Variants in UBE2E2 observed in about 807,000 individuals in gnomAD.
UBE2E2 encodes the protein ubiquitin-conjugating enzyme E2 E2.
UBE2E2 carries 6 observed loss-of-function variants against 24.7 expected under a neutral mutation model. The ratio of observed to expected loss-of-function variants is 0.24; its 90% CI spans 0.13 to 0.48. The LOEUF is 0.48. Ranked by LOEUF, UBE2E2 falls within the 20% of genes least tolerant of loss-of-function variation. The pLI is 0.99. For missense variants in UBE2E2, 169 were observed against 245.0 expected, an observed-to-expected ratio of 0.69 and a Z score of 2.07; for synonymous variants, 104 against 83.6, an observed-to-expected ratio of 1.24 and a Z score of -1.33.
chr3:23,325,382 T>A (rs1694857372), intron 3 of UBE2E2, among the ~76,000 whole-genome samples: 1 of 152,220 alleles, frequency 6.6e-6, no homozygotes, highest in Non-Finnish European at 1.5e-5. Flanking sequence ...AGAAATATAT[T>A]CCCACATTAT....
At chr3:23,587,319 C>T (rs1696647413) in intron 5 of UBE2E2, among the ~76,000 whole-genome samples, 1 of 152,136 alleles carries the variant, frequency 6.6e-6, no homozygotes, top group Non-Finnish European at 1.5e-5. Context: ...CTTTATTCTT[C>T]ATTTGTTTCC....
chr3:23,383,830 AT>A (rs576950550), intron 3 of UBE2E2, among the ~76,000 whole-genome samples: 33 of 149,798 alleles, frequency 2.2e-4, no homozygotes, highest in East Asian at 1.8e-3. Flanking sequence ...TACCAATATG[AT>A]TTTTTTTTAG....
intron 5 of UBE2E2, among the ~76,000 whole-genome samples, chr3:23,556,969 C>G (rs1484649451): frequency 6.6e-6 from 1 of 152,134 alleles, no homozygotes; most frequent in East Asian, 1.9e-4. Flanking sequence ...GCTAATTGAT[C>G]TAAACAATTG....
At chr3:23,565,765 C>G (rs747947031) in intron 5 of UBE2E2, among the ~76,000 whole-genome samples, 8 of 152,176 alleles carry the variant, frequency 5.3e-5, no homozygotes, top group Non-Finnish European at 8.8e-5. Flanking sequence ...CAAGATGCTT[C>G]TGCCTAATAG....
At chr3:23,363,021 A>G (rs921443800) in intron 3 of UBE2E2, among the ~76,000 whole-genome samples, 1 of 152,216 alleles carries the variant, frequency 6.6e-6, no homozygotes, top group Non-Finnish European at 1.5e-5. Context: ...AGAAATTCCA[A>G]CCAAGAATTT....
chr3:23,305,102 C>G (rs1418091535), intron 3 of UBE2E2, among the ~76,000 whole-genome samples: 4 of 152,110 alleles, frequency 2.6e-5, no homozygotes, highest in African/African-American at 9.7e-5. Context: ...TTCCAAAATT[C>G]TGGTTTTTGT....
Position 23,415,573 on chromosome 3 carries a change from G to C in UBE2E2, c.228-84035G>C, listed in dbSNP as rs796723064. 1.1e-4 allele frequency among the ~76,000 whole-genome samples: 16 copies of C among 152,218 alleles called. 1 individual carries two copies. Among genetic ancestry groups the C allele is most frequent in the African/African-American group, 3.6e-4 (15 of 41,528 alleles). On this transcript the variant is annotated intron_variant, in intron 3 of 5. Coordinates refer to ENST00000396703, the MANE Select transcript of UBE2E2 (RefSeq NM_152653.4). ...CTGTAAAATGCATTTCTTACTGTGGGTCGTGGAGAAAAATGTTTGAAATCA... is the reference window on the plus strand; with the variant it reads ...CTGTAAAATGCATTTCTTACTGTGGCTCGTGGAGAAAAATGTTTGAAATCA...
At chr3:23,301,091 C>T (rs1368445252) in intron 3 of UBE2E2, among the ~76,000 whole-genome samples, 2 of 152,314 alleles carry the variant, frequency 1.3e-5, no homozygotes, top group South Asian at 2.1e-4. Flanking sequence ...CCTGAGTCTT[C>T]TGCATTTGTC....
rs114066612 is a variant in UBE2E2 at position 23,371,445 on chromosome 3, G to A, written c.228-128163G>A. On this transcript the variant is annotated intron_variant, in intron 3 of 5. Coordinates refer to ENST00000396703, the MANE Select transcript of UBE2E2 (RefSeq NM_152653.4). ...CACTGATTGGTTCTTTATAGTCTCT[G>A]AATTAAATATATTTTCAAAGTAGCA... 6.9e-3 allele frequency among the ~76,000 whole-genome samples: 1,054 copies of A among 152,210 alleles called. 8 individuals carry two copies. Among genetic ancestry groups the A allele is most frequent in the African/African-American group, 0.023 (966 of 41,540 alleles).
At chr3:23,264,940 A>G (rs1017944130) in intron 3 of UBE2E2, among the ~76,000 whole-genome samples, 4 of 152,222 alleles carry the variant, frequency 2.6e-5, no homozygotes, top group African/African-American at 9.6e-5. Context: ...AGTTAGATAT[A>G]GACTGAAAAG....
intron 3 of UBE2E2, among the ~76,000 whole-genome samples, chr3:23,396,349 T>C (rs368975721): frequency 7.2e-6 from 1 of 138,222 alleles, no homozygotes; most frequent in African/African-American, 2.7e-5. Flanking sequence ...ATATATAGCA[T>C]TTTATTTTAT....
chr3:23,355,520 G>C (rs1353045976), intron 3 of UBE2E2, among the ~76,000 whole-genome samples: 1 of 152,190 alleles, frequency 6.6e-6, no homozygotes, highest in East Asian at 1.9e-4. Context: ...AGAAGATACT[G>C]AGATGCCTTT....
intron 5 of UBE2E2, among the ~76,000 whole-genome samples, chr3:23,570,187 G>T (rs1464824814): frequency 6.6e-6 from 1 of 152,164 alleles, no homozygotes; most frequent in Non-Finnish European, 1.5e-5. Context: ...CTCCTTGCGG[G>T]TGAGGGATAG....
chr3:23,241,487 C>G (rs1036675452), intron 3 of UBE2E2, among the ~76,000 whole-genome samples: 1 of 152,070 alleles, frequency 6.6e-6, no homozygotes, highest in African/African-American at 2.4e-5. Context: ...ATTGCTTATT[C>G]TCTTGATCAC....
rs148309042 is a variant in UBE2E2 at position 23,435,364 on chromosome 3, G to T, written c.228-64244G>T. Reference sequence around the variant, plus strand: ...CCTAGTTTACAGAATAAAAAGCTTGGAGATAAAAGTTAAGTTACTTGGTGT... The same window carrying T: ...CCTAGTTTACAGAATAAAAAGCTTGTAGATAAAAGTTAAGTTACTTGGTGT... On this transcript the variant is annotated intron_variant, in intron 3 of 5. Transcript: ENST00000396703. Among the ~76,000 whole-genome samples the T allele has an allele frequency of 8.3e-3, 1,257 of 152,306 alleles. 17 individuals are homozygous for T. Among genetic ancestry groups the T allele is most frequent in the African/African-American group, 0.028 (1,152 of 41,566 alleles).
chr3:23,259,085 A>G (rs2125352613), intron 3 of UBE2E2, among the ~76,000 whole-genome samples: 1 of 152,226 alleles, frequency 6.6e-6, no homozygotes, highest in Middle Eastern at 3.4e-3. Flanking sequence ...TGAACATTGT[A>G]GTGGAAAAGA....
chr3:23,432,846 T>C (rs962284197), intron 3 of UBE2E2, among the ~76,000 whole-genome samples: 3 of 151,838 alleles, frequency 2.0e-5, no homozygotes, highest in Admixed American at 2.0e-4. Context: ...AATTTAATAA[T>C]AAACTATTAA....
intron 3 of UBE2E2, among the ~76,000 whole-genome samples, chr3:23,229,762 T>C (rs757737221): frequency 6.6e-6 from 1 of 152,198 alleles, no homozygotes; most frequent in Non-Finnish European, 1.5e-5. Flanking sequence ...TTATCTGCCC[T>C]GTCCAGTACA....
At chr3:23,476,668 A>G (rs1699145434) in intron 3 of UBE2E2, among the ~76,000 whole-genome samples, 1 of 152,174 alleles carries the variant, frequency 6.6e-6, no homozygotes, top group South Asian at 2.1e-4. Context: ...AGCCTGGACA[A>G]CAGAGCAAGA....
Sources: allele counts gnomAD v4.1 joint callset (sites outside exome capture counted in the v4.1 genomes callset), GRCh38; gene constraint gnomAD v4.1.1; transcripts MANE v1.5; gene names NCBI Gene and HGNC (gene_info 2026-07-23, HGNC 2026-07-21).